The following CHRM2 variants were observed in gnomAD, a reference collection of about 807,000 sequenced individuals.
CHRM2 encodes the protein muscarinic acetylcholine receptor M2.
CHRM2 carries 8 observed loss-of-function variants against 25.0 expected under a neutral mutation model. The ratio of observed to expected loss-of-function variants is 0.32; its 90% CI spans 0.19 to 0.58. The LOEUF is 0.58. Ranked by LOEUF, CHRM2 falls within the 20% of genes least tolerant of loss-of-function variation. The probability of loss-of-function intolerance (pLI) is 0.88; values close to 1 mark genes in which losing one functional copy is unlikely to be tolerated. For synonymous variants in CHRM2, 202 were observed against 205.7 expected, an observed-to-expected ratio of 0.98 and a Z score of 0.15; for missense variants, 440 against 567.1, an observed-to-expected ratio of 0.78 and a Z score of 2.28.
At chr7:137,009,061 C>T (rs943227493) in intron 3 of CHRM2, among the ~76,000 whole-genome samples, 2 of 151,962 alleles carry the variant, frequency 1.3e-5, no homozygotes, top group African/African-American at 4.8e-5. Context: ...AAATAACACG[C>T]AAAAATCCCA....
Position 137,015,808 on chromosome 7 carries a change from T to C in CHRM2, c.943T>C (p.Ser315Pro). The C allele has an allele frequency of 1.2e-6, 2 of 1,612,926 alleles. No homozygotes were observed. Among genetic ancestry groups the C allele is most frequent in the Admixed American group, 1.7e-5 (1 of 59,902 alleles). ...ENTVSTSLGH[S>P]KDENSKQTCI... Reference sequence around the variant, plus strand: ...CACAGTTTCCACTTCCCTGGGCCATTCCAAAGATGAGAACTCTAAGCAAAC... The same window carrying C: ...CACAGTTTCCACTTCCCTGGGCCATCCCAAAGATGAGAACTCTAAGCAAAC... Residue 315 changes from serine to proline, a missense_variant, in exon 4 of 4, where the codon TCC (serine) becomes CCC (proline). By Grantham distance (74) the Ser-to-Pro change is moderately conservative (BLOSUM62 -1). Coordinates refer to ENST00000680005, the MANE Select transcript of CHRM2 (RefSeq NM_001006630.2). This position sits in a 1 kb window ranked among gnomAD's most constrained non-coding sequence, Gnocchi z 5.1.
In CHRM2 at chr7:137,014,946, C is replaced by G. The variant is rs760053918; in HGVS notation, c.81C>G (p.Val27=). Residue 27 remains valine, a synonymous_variant, in exon 4 of 4, where the codon GTC becomes GTG. Coordinates refer to ENST00000680005, the MANE Select transcript of CHRM2 (RefSeq NM_001006630.2). ...PYKTFEVVFI[V]LVAGSLSLVT... ...AGACATTTGAAGTGGTGTTTATTGTCCTGGTGGCTGGATCCCTCAGTTTGG... is the reference window on the plus strand; with the variant it reads ...AGACATTTGAAGTGGTGTTTATTGTGCTGGTGGCTGGATCCCTCAGTTTGG... The G allele has an allele frequency of 6.2e-7, 1 of 1,613,136 alleles. No homozygotes were observed.
intron 2 of CHRM2, among the ~76,000 whole-genome samples, chr7:136,873,561 G>A (rs935509925): frequency 1.3e-5 from 2 of 152,184 alleles, no homozygotes; most frequent in Non-Finnish European, 2.9e-5. Context: ...TCTACAGGAA[G>A]AAATCAGCAT....
At chr7:136,907,739 C>G (rs573026330) in intron 2 of CHRM2, 3 of 151,964 alleles carry the variant, frequency 2.0e-5, no homozygotes, top group East Asian at 3.9e-4. Flanking sequence ...AAATCTTATT[C>G]CTGTATTTTC....
chr7:136,950,014 G>A (rs142622553), intron 2 of CHRM2, among the ~76,000 whole-genome samples: 2,057 of 151,996 alleles, frequency 0.014, 25 homozygotes, highest in Non-Finnish European at 0.021. Context: ...TCCATCATCT[G>A]GTATTATAAT....
intron 2 of CHRM2, among the ~76,000 whole-genome samples, chr7:136,890,272 C>T (rs750893567): frequency 9.2e-5 from 14 of 152,084 alleles, no homozygotes; most frequent in Non-Finnish European, 2.1e-4. Context: ...ACATGGACTC[C>T]GAACTATAAC....
At chr7:136,997,166 A>G (rs1803661484) in intron 3 of CHRM2, among the ~76,000 whole-genome samples, 1 of 152,182 alleles carries the variant, frequency 6.6e-6, no homozygotes, top group Admixed American at 6.6e-5. Flanking sequence ...GATATATACA[A>G]TGTAATCTAA....
At chr7:137,002,128 T>A (rs1804078129) in intron 3 of CHRM2, among the ~76,000 whole-genome samples, 1 of 152,146 alleles carries the variant, frequency 6.6e-6, no homozygotes, top group Non-Finnish European at 1.5e-5. Flanking sequence ...GCTTTCTGGT[T>A]TTTTGTTTTG....
At chr7:136,920,634 T>G (rs537263900) in intron 2 of CHRM2, among the ~76,000 whole-genome samples, 13 of 152,284 alleles carry the variant, frequency 8.5e-5, no homozygotes, top group African/African-American at 3.1e-4. Flanking sequence ...ACCCTAAGCA[T>G]GTGTAAACCA....
At position 137,016,381 on chromosome 7, in the gene CHRM2, A is replaced by G. The variant is rs1805190999; in HGVS notation, c.*115A>G. ...TTGCACTTTATAGTCTGATTACAAA[A>G]CGTGCAATTCAGGAGCCCAGCAGTG... On this transcript the variant is annotated 3_prime_UTR_variant, in exon 4 of 4. Coordinates refer to ENST00000680005, the MANE Select transcript of CHRM2 (RefSeq NM_001006630.2). 1 of 1,163,460 alleles carries G rather than the reference A, an allele frequency of 8.6e-7. No individual in the cohort carries two copies. Among genetic ancestry groups the G allele is most frequent in the South Asian group, 1.3e-5 (1 of 75,218 alleles). 72.1% of individuals were successfully genotyped at this position (1,163,460 alleles called of 1,614,324 possible).
chr7:136,964,070 G>A (rs941360341), intron 2 of CHRM2, among the ~76,000 whole-genome samples: 30 of 151,760 alleles, frequency 2.0e-4, no homozygotes, highest in African/African-American at 2.2e-4. Flanking sequence ...ATTTGCTGCC[G>A]GTCCATACAA....
intron 2 of CHRM2, among the ~76,000 whole-genome samples, chr7:136,975,028 A>G (rs1802023528): frequency 6.6e-6 from 1 of 152,242 alleles, no homozygotes; most frequent in Admixed American, 6.5e-5. Context: ...TTTCCAGGCT[A>G]CTGGCTTACC....
At chr7:136,970,741 A>G (rs1159094872) in intron 2 of CHRM2, among the ~76,000 whole-genome samples, 3 of 152,188 alleles carry the variant, frequency 2.0e-5, no homozygotes, top group Non-Finnish European at 4.4e-5. Context: ...TAAAACTTAC[A>G]TGTCAATACC....
intron 2 of CHRM2, among the ~76,000 whole-genome samples, chr7:136,879,133 G>T (rs1052981504): frequency 2.6e-5 from 4 of 151,900 alleles, no homozygotes; most frequent in African/African-American, 4.8e-5. Context: ...GCTCTTTCTA[G>T]GCACAGAGGT....
At chr7:136,946,454 T>C (rs767236150) in intron 2 of CHRM2, among the ~76,000 whole-genome samples, 7 of 152,162 alleles carry the variant, frequency 4.6e-5, no homozygotes, top group South Asian at 2.1e-4. Context: ...ACTGGTGCTA[T>C]TGCTATATTT....
At chr7:136,911,273 T>C (rs1224225492) in intron 2 of CHRM2, among the ~76,000 whole-genome samples, 1 of 151,942 alleles carries the variant, frequency 6.6e-6, no homozygotes, top group Admixed American at 6.6e-5. Flanking sequence ...TGATAACATC[T>C]TAATCATAGC....
chr7:136,885,848 G>C (rs980378866), intron 2 of CHRM2, among the ~76,000 whole-genome samples: 5 of 152,138 alleles, frequency 3.3e-5, no homozygotes, highest in African/African-American at 7.2e-5. Flanking sequence ...CTGGATTGAG[G>C]GGGGAAGAGG....
intron 2 of CHRM2, among the ~76,000 whole-genome samples, chr7:136,915,290 T>C (rs539380547): frequency 5.3e-5 from 8 of 152,038 alleles, no homozygotes; most frequent in Non-Finnish European, 1.0e-4. Flanking sequence ...ATTATCAATC[T>C]TGGGTTCAAC....
chr7:136,873,923 G>C (rs1157372094), intron 2 of CHRM2, among the ~76,000 whole-genome samples: 1 of 152,182 alleles, frequency 6.6e-6, no homozygotes, highest in Admixed American at 6.5e-5. Flanking sequence ...CCAAAATTTT[G>C]GCAGATGCCA....
Sources: gnomAD v4.1 joint callset for allele counts (sites outside exome capture counted in the v4.1 genomes callset) on GRCh38, gnomAD v4.1.1 for gene constraint, Gnocchi (gnomAD v3.1) non-coding constraint, MANE v1.5 for transcripts, NCBI Gene and HGNC (gene_info 2026-07-23, HGNC 2026-07-21) for gene names.